The following ADORA2B variants were observed in gnomAD, a reference collection of about 807,000 sequenced individuals.
The protein encoded by ADORA2B is adenosine A2b receptor.
A neutral mutation model predicts 20.8 loss-of-function variants in ADORA2B; 18 were observed. The ratio of observed to expected loss-of-function variants is 0.87; its 90% CI spans 0.60 to 1.29. ADORA2B has a LOEUF of 1.29. ADORA2B is among the 50% of genes most tolerant of loss of function. ADORA2B has a pLI of 0.00. For synonymous variants in ADORA2B, 179 were observed against 178.3 expected (o/e 1.00, Z -0.03); for missense variants, 441 against 422.7 (o/e 1.04, Z -0.38).
At chr17:15,964,027 A>T (rs535392925) in intron 1 of ADORA2B, among the ~76,000 whole-genome samples, 2 of 152,316 alleles carry the variant, frequency 1.3e-5, no homozygotes, top group East Asian at 3.9e-4. Flanking sequence ...GCCTGAAAGT[A>T]ACCTTTGGTG....
At chr17:15,952,963 T>A (rs886391146) in intron 1 of ADORA2B, among the ~76,000 whole-genome samples, 6 of 152,226 alleles carry the variant, frequency 3.9e-5, no homozygotes, top group African/African-American at 1.2e-4. Context: ...AGCAAATGTA[T>A]CTTCTTGGAC....
the ADORA2B span, among the ~76,000 whole-genome samples, chr17:15,862,294 C>G: frequency 6.8e-6 from 1 of 146,914 alleles, no homozygotes; most frequent in African/African-American, 2.5e-5. Context: ...GGGCTCACTG[C>G]AACCTCTGCC....
the ADORA2B span, among the ~76,000 whole-genome samples, chr17:15,928,786 A>G: frequency 6.6e-6 from 1 of 152,188 alleles, no homozygotes; most frequent in East Asian, 1.9e-4. Flanking sequence ...TGAAGCTGCC[A>G]GAAATGAGCA....
At chr17:15,876,061 T>C in the ADORA2B span, among the ~76,000 whole-genome samples, 1 of 152,228 alleles carries the variant, frequency 6.6e-6, no homozygotes, top group Non-Finnish European at 1.5e-5. Flanking sequence ...GTTAGTTCTT[T>C]GCCTCTCTCT....
the ADORA2B span, among the ~76,000 whole-genome samples, chr17:15,888,550 G>A: frequency 1.6e-5 from 2 of 126,504 alleles, no homozygotes; most frequent in East Asian, 2.1e-4. Flanking sequence ...ATTGGACTCC[G>A]TCTCTTAAGT....
At chr17:15,904,548 A>C in the ADORA2B span, among the ~76,000 whole-genome samples, 513 of 151,906 alleles carry the variant, frequency 3.4e-3, no homozygotes, top group African/African-American at 0.012. Flanking sequence ...CCACCACGCC[A>C]GCTAATTTTT....
At chr17:15,868,939 A>C in the ADORA2B span, among the ~76,000 whole-genome samples, 2 of 151,502 alleles carry the variant, frequency 1.3e-5, no homozygotes, top group African/African-American at 2.4e-5. Flanking sequence ...GAGGGAGTAC[A>C]TCGGGTGGAG....
At chr17:15,956,590 C>CTTT (rs11290214) in intron 1 of ADORA2B, among the ~76,000 whole-genome samples, 38 of 51,416 alleles carry the variant, frequency 7.4e-4, no homozygotes, top group African/African-American at 2.0e-3. Flanking sequence ...TTATGTGTGT[C>CTTT]TTTTTTTTTT....
the ADORA2B span, among the ~76,000 whole-genome samples, chr17:15,863,890 G>A: frequency 1.3e-5 from 2 of 152,192 alleles, no homozygotes; most frequent in Non-Finnish European, 2.9e-5. Context: ...ATTTCACACT[G>A]TGAGACATCA....
chr17:15,876,449 C>CTTTTTTTTTTTTTTTTTTTTT, the ADORA2B span, among the ~76,000 whole-genome samples: 3 of 119,298 alleles, frequency 2.5e-5, no homozygotes, highest in Non-Finnish European at 5.2e-5. Context: ...TTTCTTTTTT[C>CTTTTTTTTTTTTTTTTTTTTT]TTTTTTTTTT....
At chr17:15,882,836 G>T in the ADORA2B span, among the ~76,000 whole-genome samples, 12 of 152,278 alleles carry the variant, frequency 7.9e-5, no homozygotes, top group African/African-American at 2.6e-4. Context: ...GTTTGTCTCA[G>T]GTTTGACTCA....
chr17:15,919,993 T>C, the ADORA2B span, among the ~76,000 whole-genome samples: 1 of 152,196 alleles, frequency 6.6e-6, no homozygotes, highest in African/African-American at 2.4e-5. Flanking sequence ...TTTAAACCTT[T>C]TCCCTAGACC....
chr17:15,967,728 A>G (rs1970138976), intron 1 of ADORA2B, among the ~76,000 whole-genome samples: 1 of 152,232 alleles, frequency 6.6e-6, no homozygotes, highest in South Asian at 2.1e-4. Flanking sequence ...GGTGTGAGAA[A>G]GAGCGAGGCG....
At chr17:15,901,863 T>C in the ADORA2B span, among the ~76,000 whole-genome samples, 1 of 152,338 alleles carries the variant, frequency 6.6e-6, no homozygotes, top group Non-Finnish European at 1.5e-5. Flanking sequence ...TTTTATCTTG[T>C]TTTTTATTGT....
At chr17:15,951,675 A>G (rs1489964622) in intron 1 of ADORA2B, among the ~76,000 whole-genome samples, 4 of 152,260 alleles carry the variant, frequency 2.6e-5, no homozygotes, top group Non-Finnish European at 5.9e-5. Context: ...GAACCAGGTC[A>G]GAACTGGGGT....
At chr17:15,931,082 T>C in the ADORA2B span, among the ~76,000 whole-genome samples, 1 of 152,146 alleles carries the variant, frequency 6.6e-6, no homozygotes, top group South Asian at 2.1e-4. Flanking sequence ...TTTGGGAGGC[T>C]GAGACAGGAG....
the ADORA2B span, among the ~76,000 whole-genome samples, chr17:15,901,525 AT>A: frequency 6.6e-6 from 1 of 151,612 alleles, no homozygotes; most frequent in Non-Finnish European, 1.5e-5. Flanking sequence ...TTTTTTTCAT[AT>A]TTACTATGTC....
At chr17:15,935,650 A>T in the ADORA2B span, among the ~76,000 whole-genome samples, 1 of 148,836 alleles carries the variant, frequency 6.7e-6, no homozygotes, top group Non-Finnish European at 1.5e-5. Context: ...TTTCTCTCTC[A>T]CTCTCTTTCT....
intron 1 of ADORA2B, among the ~76,000 whole-genome samples, chr17:15,966,294 G>A (rs1032259470): frequency 3.3e-5 from 5 of 152,200 alleles, no homozygotes; most frequent in Non-Finnish European, 5.9e-5. Context: ...TACACATTCC[G>A]TCTATGTTAA....
Sources: allele counts gnomAD v4.1 joint callset (sites outside exome capture counted in the v4.1 genomes callset), GRCh38; gene constraint gnomAD v4.1.1; transcripts MANE v1.5; gene names NCBI Gene and HGNC (gene_info 2026-07-23, HGNC 2026-07-21).